NKAIN2: variants seen among roughly 807,000 people sequenced by gnomAD.
NKAIN2 encodes the protein sodium/potassium transporting ATPase interacting 2.
In NKAIN2, 14 loss-of-function variants were observed where a neutral mutation model predicts 32.6. The ratio of observed to expected loss-of-function variants is 0.43; its 90% CI spans 0.28 to 0.67. NKAIN2 has a LOEUF of 0.67. Ranked by LOEUF, NKAIN2 falls within the 30% of genes least tolerant of loss-of-function variation. The pLI is 0.17. For synonymous variants in NKAIN2, 80 were observed against 87.2 expected (o/e 0.92, Z 0.46); for missense variants, 198 against 258.3 (o/e 0.77, Z 1.60).
chr6:124,212,763 AAAATT>A (rs1338978313), intron 1 of NKAIN2, among the ~76,000 whole-genome samples: 2 of 152,256 alleles, frequency 1.3e-5, no homozygotes, highest in Middle Eastern at 3.4e-3. Context: ...TCCATATAGT[AAAATT>A]GTCCTTGCAT....
chr6:124,562,181 A>G (rs1446990801), intron 3 of NKAIN2, among the ~76,000 whole-genome samples: 1 of 152,212 alleles, frequency 6.6e-6, no homozygotes, highest in Non-Finnish European at 1.5e-5. Flanking sequence ...AATACTGTGG[A>G]ATAAATGCTG....
chr6:124,397,471 A>G (rs1311097261), intron 3 of NKAIN2, among the ~76,000 whole-genome samples: 1 of 151,752 alleles, frequency 6.6e-6, no homozygotes, highest in Non-Finnish European at 1.5e-5. Flanking sequence ...GTTTTACCTC[A>G]TTTAATAATA....
chr6:124,760,472 A>C (rs1402387004), intron 4 of NKAIN2, among the ~76,000 whole-genome samples: 1 of 151,452 alleles, frequency 6.6e-6, no homozygotes, highest in African/African-American at 2.4e-5. Context: ...ACTCTACTAA[A>C]AAAAAATAAA....
At chr6:124,534,149 T>G (rs1330110636) in intron 3 of NKAIN2, among the ~76,000 whole-genome samples, 2 of 152,184 alleles carry the variant, frequency 1.3e-5, no homozygotes, top group Admixed American at 6.5e-5. Flanking sequence ...TTTTTTTTTT[T>G]CCTTTTTTGG....
At chr6:124,751,156 A>G (rs1049077290) in intron 4 of NKAIN2, among the ~76,000 whole-genome samples, 1 of 152,010 alleles carries the variant, frequency 6.6e-6, no homozygotes, top group South Asian at 2.1e-4. Flanking sequence ...AACTTGGAGC[A>G]AGGCACCTAA....
chr6:124,135,897 G>A (rs960894722), intron 1 of NKAIN2, among the ~76,000 whole-genome samples: 5 of 151,876 alleles, frequency 3.3e-5, no homozygotes, highest in African/African-American at 9.7e-5. Flanking sequence ...AAGAAGAAAG[G>A]CCATAGCATT....
chr6:124,804,669 G>A (rs537955993), intron 5 of NKAIN2, among the ~76,000 whole-genome samples: 26 of 152,342 alleles, frequency 1.7e-4, no homozygotes, highest in African/African-American at 3.4e-4. Flanking sequence ...CGCACTGTGC[G>A]TGAGCCGAAG....
intron 4 of NKAIN2, among the ~76,000 whole-genome samples, chr6:124,667,238 T>C (rs974192566): frequency 1.3e-5 from 2 of 152,082 alleles, no homozygotes; most frequent in Admixed American, 1.3e-4. Context: ...GGAATAAAAA[T>C]GCCAACACAT....
At chr6:123,814,265 G>A (rs1264233040) in intron 1 of NKAIN2, among the ~76,000 whole-genome samples, 5 of 152,212 alleles carry the variant, frequency 3.3e-5, no homozygotes, top group Middle Eastern at 3.4e-3. Flanking sequence ...TCAAATTAAC[G>A]AATGAATTCA....
At chr6:123,933,730 G>C (rs1452883013) in intron 1 of NKAIN2, among the ~76,000 whole-genome samples, 1 of 152,144 alleles carries the variant, frequency 6.6e-6, no homozygotes, top group African/African-American at 2.4e-5. Context: ...GCCTTTTGGG[G>C]GCTGTCAGCA....
At chr6:124,327,358 A>G (rs867837972) in intron 2 of NKAIN2, among the ~76,000 whole-genome samples, 2 of 147,250 alleles carry the variant, frequency 1.4e-5, no homozygotes, top group African/African-American at 2.7e-5. Context: ...TGATATATGT[A>G]TCATCTTTCA....
At chr6:124,271,044 A>G (rs1794739841) in intron 1 of NKAIN2, among the ~76,000 whole-genome samples, 1 of 152,128 alleles carries the variant, frequency 6.6e-6, no homozygotes. Flanking sequence ...TGTTGTTCTC[A>G]TGATAGTGAG....
chr6:124,393,342 A>ATTTT (rs5879732), intron 3 of NKAIN2, among the ~76,000 whole-genome samples: 4 of 149,108 alleles, frequency 2.7e-5, no homozygotes, highest in African/African-American at 9.8e-5. Flanking sequence ...CACTTATAGA[A>ATTTT]TTTTTTTTTT....
chr6:124,421,297 G>T (rs372311304), intron 3 of NKAIN2, among the ~76,000 whole-genome samples: 15 of 152,166 alleles, frequency 9.9e-5, no homozygotes, highest in Middle Eastern at 3.4e-3. Context: ...CTCTCAAAAG[G>T]TTAAGATGAA....
At chr6:124,359,921 A>G (rs1162019842) in intron 3 of NKAIN2, among the ~76,000 whole-genome samples, 43 of 151,338 alleles carry the variant, frequency 2.8e-4, no homozygotes, top group African/African-American at 8.5e-4. Context: ...GTCATAGATA[A>G]CTCTTATTAT....
chr6:123,913,043 G>A (rs1302378753), intron 1 of NKAIN2, among the ~76,000 whole-genome samples: 1 of 152,182 alleles, frequency 6.6e-6, no homozygotes, highest in African/African-American at 2.4e-5. Flanking sequence ...TATAGTATCT[G>A]CTAGTGCAGG....
intron 1 of NKAIN2, among the ~76,000 whole-genome samples, chr6:124,260,285 A>C (rs1794178874): frequency 1.3e-5 from 2 of 152,200 alleles, no homozygotes; most frequent in South Asian, 4.1e-4. Context: ...GAAATCAGTA[A>C]GATAAAAAAG....
chr6:124,294,348 A>C lies in NKAIN2; in HGVS notation c.192+11206A>C, dbSNP rs140374449. On this transcript the variant is annotated intron_variant, in intron 2 of 6. Coordinates refer to ENST00000368417, the MANE Select transcript of NKAIN2 (RefSeq NM_001040214.3). ...CAGCATTGATCCCTCTCAATGACCT[A>C]ATCACCTTGGATAGACCCAACCTAC... 2.0e-5 allele frequency among the ~76,000 whole-genome samples: 3 copies of C among 152,252 alleles called. No individual in the cohort carries two copies. In the East Asian group the frequency reaches 5.8e-4, roughly 29 times the overall value.
chr6:124,480,249 T>C (rs1389991585), intron 3 of NKAIN2, among the ~76,000 whole-genome samples: 1 of 152,176 alleles, frequency 6.6e-6, no homozygotes, highest in Non-Finnish European at 1.5e-5. Context: ...TTTCAGAGTT[T>C]AAAATATTTA....
Sources: allele counts gnomAD v4.1 joint callset (sites outside exome capture counted in the v4.1 genomes callset), GRCh38; gene constraint gnomAD v4.1.1; transcripts MANE v1.5; gene names NCBI Gene and HGNC (gene_info 2026-07-23, HGNC 2026-07-21).